Variants in CLSTN2 observed in about 807,000 individuals in gnomAD.
CLSTN2 encodes the protein calsyntenin-2.
CLSTN2 carries 48 observed loss-of-function variants against 101.2 expected under a neutral mutation model. The observed-to-expected ratio is 0.47, with a 90% CI of 0.38 to 0.60. The LOEUF (loss-of-function observed/expected upper bound fraction) is 0.60, where lower values mean the gene tolerates loss of function less well. CLSTN2 is among the 20% of genes least tolerant of loss of function. The probability of loss-of-function intolerance (pLI) is 0.00; values close to 1 mark genes in which losing one functional copy is unlikely to be tolerated. For missense variants in CLSTN2, 1,160 were observed against 1,238.2 expected, an observed-to-expected ratio of 0.94 and a Z score of 0.95; for synonymous variants, 481 against 463.6, an observed-to-expected ratio of 1.04 and a Z score of -0.48.
At chr3:140,318,311 C>T (rs561604453) in intron 2 of CLSTN2, among the ~76,000 whole-genome samples, 8 of 152,012 alleles carry the variant, frequency 5.3e-5, no homozygotes, top group Admixed American at 1.3e-4. Context: ...AGGAGGGGCT[C>T]GGAAATATAA....
intron 2 of CLSTN2, among the ~76,000 whole-genome samples, chr3:140,316,896 C>T (rs1473129618): frequency 6.6e-6 from 1 of 152,134 alleles, no homozygotes; most frequent in Non-Finnish European, 1.5e-5. Context: ...TCAAACTACT[C>T]CAAGTTTTAA....
intron 10 of CLSTN2, among the ~76,000 whole-genome samples, chr3:140,548,607 T>C (rs142042263): frequency 2.0e-5 from 3 of 152,264 alleles, no homozygotes; most frequent in African/African-American, 7.2e-5. Context: ...AGGGAAGTCA[T>C]TCCAGGCAGA....
chr3:140,023,519 T>G (rs1219644661), intron 1 of CLSTN2, among the ~76,000 whole-genome samples: 3 of 152,144 alleles, frequency 2.0e-5, no homozygotes, highest in South Asian at 2.1e-4. Flanking sequence ...GAACGCACTT[T>G]CCTTGAGTTT....
intron 10 of CLSTN2, 33 bp from the exon 11 acceptor site, chr3:140,556,469 ATCACTGACCAT>A: frequency 6.2e-7 from 1 of 1,607,636 alleles, no homozygotes. Flanking sequence ...AACCATGTAC[ATCACTGACCAT>A]TCTCTTCCAT....
chr3:140,197,944 C>T (rs115625346), intron 2 of CLSTN2, among the ~76,000 whole-genome samples: 143 of 152,240 alleles, frequency 9.4e-4, no homozygotes, highest in African/African-American at 3.2e-3. Flanking sequence ...TGGATGATCT[C>T]TAAGGTATTT....
At chr3:140,212,477 G>A (rs1331268546) in intron 2 of CLSTN2, among the ~76,000 whole-genome samples, 1 of 152,160 alleles carries the variant, frequency 6.6e-6, no homozygotes, top group Non-Finnish European at 1.5e-5. Flanking sequence ...GTATTTGTAA[G>A]TAGAATGCCT....
rs533471497 is a variant in CLSTN2 at position 140,443,347 on chromosome 3, C to T, written c.788-5172C>T. Among the ~76,000 whole-genome samples, 654 of 152,362 alleles carry T rather than the reference C, an allele frequency of 4.3e-3. 5 individuals carry two copies. The highest frequency in any genetic ancestry group is 5.2e-3 in the Non-Finnish European group (356 of 68,040). On this transcript the variant is annotated intron_variant, in intron 5 of 16. Transcript: ENST00000458420. The stretch of plus-strand genomic sequence containing the variant: ...GTCTTAGATTACAACAGCGCCAAAG[C>T]CTATGCTTTCCAGAAGTCTCTTAGA...
chr3:140,521,548 A>G (rs913114551), intron 8 of CLSTN2, among the ~76,000 whole-genome samples: 24 of 152,168 alleles, frequency 1.6e-4, no homozygotes, highest in Admixed American at 4.6e-4. Flanking sequence ...AACTGCACCT[A>G]TAAGAGGTGG....
At chr3:140,438,391 T>A in intron 5 of CLSTN2, among the ~76,000 whole-genome samples, 1 of 112,614 alleles carries the variant, frequency 8.9e-6, no homozygotes, top group African/African-American at 3.6e-5. Context: ...AAATGGGAAA[T>A]CCTGCACTCC....
rs1985761338 is a variant in CLSTN2, at chr3:140,577,348, C to T, written c.*11095C>T. On this transcript the variant is annotated 3_prime_UTR_variant, in exon 17 of 17. Coordinates refer to ENST00000458420, the MANE Select transcript of CLSTN2 (RefSeq NM_022131.3). Reference sequence around the variant, plus strand: ...TGATTCATGTTGGTGGTCGTTATGACACTTTCTGTGAATTGGTGAATAAAT... The same window carrying T: ...TGATTCATGTTGGTGGTCGTTATGATACTTTCTGTGAATTGGTGAATAAAT... The T allele has an allele frequency of 6.6e-6, 1 of 152,172 alleles. No individual in the cohort carries two copies. Among genetic ancestry groups the T allele is most frequent in the Non-Finnish European group, 1.5e-5 (1 of 68,034 alleles). 9.4% of individuals were successfully genotyped at this position (152,172 alleles called of 1,614,324 possible).
chr3:140,427,236 T>TACAC (rs1284944613), intron 5 of CLSTN2, among the ~76,000 whole-genome samples: 2 of 119,758 alleles, frequency 1.7e-5, no homozygotes, highest in East Asian at 2.6e-4. Flanking sequence ...TGTGTATATA[T>TACAC]ATATATATAC....
At chr3:140,273,083 A>G (rs933632308) in intron 2 of CLSTN2, among the ~76,000 whole-genome samples, 1 of 152,182 alleles carries the variant, frequency 6.6e-6, no homozygotes, top group African/African-American at 2.4e-5. Context: ...CTTACTAAAG[A>G]GTGACTTTAC....
rs952739002 is a variant in CLSTN2 at position 140,575,188 on chromosome 3, G to A, written c.*8935G>A. On this transcript the variant is annotated 3_prime_UTR_variant, in exon 17 of 17. Coordinates refer to ENST00000458420, the MANE Select transcript of CLSTN2 (RefSeq NM_022131.3). Reference sequence around the variant, plus strand: ...TTTCTGTTTTTGTTTTGTTTTTGGCGTGGAGGAGAAATTTAGACTTGAAAG... The same window carrying A: ...TTTCTGTTTTTGTTTTGTTTTTGGCATGGAGGAGAAATTTAGACTTGAAAG... 5 of 152,166 alleles carry A rather than the reference G, an allele frequency of 3.3e-5. No individual in the cohort carries two copies. Among genetic ancestry groups the A allele is most frequent in the African/African-American group, 4.8e-5 (2 of 41,430 alleles). 9.4% of individuals were successfully genotyped at this position (152,166 alleles called of 1,614,324 possible). A position where few individuals can be genotyped will look rare whatever the true frequency, so the allele number is the denominator to read the frequency against.
intron 2 of CLSTN2, among the ~76,000 whole-genome samples, chr3:140,270,845 T>G (rs576067263): frequency 3.3e-5 from 5 of 152,162 alleles, no homozygotes. Flanking sequence ...GTACCTGTAG[T>G]CCAGAGCAGT....
intron 10 of CLSTN2, 109 bp downstream of exon 10, chr3:140,546,790 A>G: frequency 9.2e-7 from 1 of 1,086,480 alleles, no homozygotes; most frequent in Non-Finnish European, 1.3e-6. Context: ...GTTACACAGA[A>G]ATGGCAACAA....
At chr3:140,293,004 A>T (rs888078588) in intron 2 of CLSTN2, among the ~76,000 whole-genome samples, 3 of 152,206 alleles carry the variant, frequency 2.0e-5, no homozygotes, top group African/African-American at 7.2e-5. Flanking sequence ...TAGACGTGAG[A>T]TAAACACTAT....
At chr3:140,057,147 A>G (rs2008112699) in intron 1 of CLSTN2, among the ~76,000 whole-genome samples, 1 of 152,252 alleles carries the variant, frequency 6.6e-6, no homozygotes, top group Admixed American at 6.5e-5. Context: ...AACTGAAGCC[A>G]TGCATATGGA....
chr3:140,392,483 C>G (rs1463657014), intron 2 of CLSTN2, among the ~76,000 whole-genome samples: 1 of 151,838 alleles, frequency 6.6e-6, no homozygotes, highest in African/African-American at 2.4e-5. Flanking sequence ...TTCACATAAC[C>G]AAACATACTT....
intron 12 of CLSTN2, among the ~76,000 whole-genome samples, chr3:140,560,647 T>C (rs1339317811): frequency 3.9e-5 from 6 of 152,138 alleles, no homozygotes; most frequent in Admixed American, 1.3e-4. Context: ...GCACGCTCCC[T>C]TGTACACAGT....
Sources: allele counts gnomAD v4.1 joint callset (sites outside exome capture counted in the v4.1 genomes callset), GRCh38; gene constraint gnomAD v4.1.1; transcripts MANE v1.5; gene names NCBI Gene and HGNC (gene_info 2026-07-23, HGNC 2026-07-21).